The following COL4A2 variants were observed in gnomAD, a reference collection of about 807,000 sequenced individuals.
The protein encoded by COL4A2 is collagen alpha-2(IV) chain.
Under a neutral mutation model 200.2 loss-of-function variants are expected in COL4A2, and 99 were observed. The ratio of observed to expected loss-of-function variants is 0.49; its 90% CI spans 0.42 to 0.58. The LOEUF (loss-of-function observed/expected upper bound fraction) is 0.58, where lower values mean the gene tolerates loss of function less well. Ranked by LOEUF, COL4A2 falls within the 20% of genes least tolerant of loss-of-function variation. The pLI is 0.00. For synonymous variants in COL4A2, 897 were observed against 900.6 expected, an observed-to-expected ratio of 1.00 and a Z score of 0.07; for missense variants, 1,950 against 2,314.1, an observed-to-expected ratio of 0.84 and a Z score of 3.23.
At chr13:110,406,900 T>C (rs1173490206) in intron 4 of COL4A2, among the ~76,000 whole-genome samples, 1 of 152,182 alleles carries the variant, frequency 6.6e-6, no homozygotes, top group Non-Finnish European at 1.5e-5. Flanking sequence ...CCTTGCTGGC[T>C]GAAAGGTAGA....
chr13:110,419,939 G>A (rs1486416495), intron 4 of COL4A2, among the ~76,000 whole-genome samples: 1 of 152,174 alleles, frequency 6.6e-6, no homozygotes, highest in African/African-American at 2.4e-5. Context: ...TGCTTAAGAG[G>A]TTTTTCTTAT....
rs1884836211 is a variant in COL4A2 at position 110,307,898 on chromosome 13, G to T, written c.-6G>T. The stretch of plus-strand genomic sequence containing the variant: ...GACCGGGGCCCAGAGTGGACGAACC[G>T]CCAGCATGGGGAGAGACCAGCGCGC... On this transcript the variant is annotated 5_prime_UTR_variant, in exon 2 of 48. Transcript: ENST00000360467. The surrounding 1 kb of genome is among the most constrained non-coding windows in gnomAD (Gnocchi z 5.0). The T allele has an allele frequency of 6.2e-7, 1 of 1,611,994 alleles. No individual in the cohort carries two copies. The highest frequency in any genetic ancestry group is 1.1e-5 in the South Asian group (1 of 90,824).
At chr13:110,495,315 T>TCAGCTGCTG in intron 39 of COL4A2, 27 bp from the exon 40 acceptor site, 2 of 1,613,908 alleles carry the variant, frequency 1.2e-6, no homozygotes, top group Non-Finnish European at 1.7e-6. Context: ...AACACCGACA[T>TCAGCTGCTG]CAGCTGCTGT....
rs145043571 is a variant in COL4A2 at position 110,381,971 on chromosome 13, A to G, written c.180+24419A>G. Reference sequence around the variant, plus strand: ...TATGCCTTGATTATTACTTATTTCAATGGGACAAATTTGCACTAGAACTAC... The same window carrying G: ...TATGCCTTGATTATTACTTATTTCAGTGGGACAAATTTGCACTAGAACTAC... On this transcript the variant is annotated intron_variant, in intron 4 of 47. Transcript: ENST00000360467. Among the ~76,000 whole-genome samples the G allele has an allele frequency of 4.8e-4, 73 of 152,228 alleles. No homozygotes were observed. In the East Asian group the frequency reaches 0.013, roughly 27 times the overall value.
At chr13:110,459,144 G>T (rs2139494219) in intron 22 of COL4A2, 2 of 476,592 alleles carry the variant, frequency 4.2e-6, no homozygotes, top group East Asian at 7.0e-5. Flanking sequence ...CGCTGCTGTG[G>T]GAACCGCAGC....
At chr13:110,496,845 G>A (rs895460890) in intron 40 of COL4A2, among the ~76,000 whole-genome samples, 3 of 148,574 alleles carry the variant, frequency 2.0e-5, no homozygotes, top group African/African-American at 5.0e-5. Context: ...CACAGCCTCA[G>A]TCAGGGGTGA....
chr13:110,480,928 C>T (rs201238749), intron 31 of COL4A2, among the ~76,000 whole-genome samples: 15,670 of 123,494 alleles, frequency 0.13, 1,414 homozygotes, highest in Non-Finnish European at 0.14. Context: ...TGTTCTGTCC[C>T]TCCGTTGCTG....
chr13:110,349,304 C>A (rs1261106485), intron 3 of COL4A2, among the ~76,000 whole-genome samples: 3 of 152,170 alleles, frequency 2.0e-5, no homozygotes, highest in African/African-American at 7.2e-5. Flanking sequence ...TGGGCGATTC[C>A]TCAGACATCT....
chr13:110,449,736 A>G lies in COL4A2; in HGVS notation c.1136A>G (p.Glu379Gly), dbSNP rs1251131549. The stretch of plus-strand genomic sequence containing the variant: ...CAAGGGGAGCCAGGAAGCCAGGGTG[A>G]GCCAGGAGACCCGGGCCTCCCAGGT... ...GAQGEPGSQG[E>G]PGDPGLPGPP... Residue 379 changes from glutamate to glycine, a missense_variant, in exon 19 of 48, where the codon GAG (glutamate) becomes GGG (glycine). Glu to Gly is a moderately conservative substitution (Grantham distance 98, BLOSUM62 -2). Transcript: ENST00000360467. 2.0e-5 allele frequency: 31 copies of G among 1,549,560 alleles called. No homozygotes were observed. The highest frequency in any genetic ancestry group is 2.6e-5 in the Non-Finnish European group (30 of 1,146,670).
At chr13:110,468,225 G>C in intron 27 of COL4A2, 1 of 471,460 alleles carries the variant, frequency 2.1e-6, no homozygotes, top group Non-Finnish European at 4.4e-6. Flanking sequence ...AAATGCAGAG[G>C]TATCATTTGC....
In COL4A2 at chr13:110,315,123, C is replaced by T. The variant is rs781232387; in HGVS notation, c.99+7000C>T. ...CTGCCCGGCCCCTGCCAGTTCTGCT[C>T]TGCACACCCTGTCTGCACTCCAGGC... is the stretch of plus-strand genomic sequence containing the variant. On this transcript the variant is annotated intron_variant, in intron 3 of 47. Coordinates refer to ENST00000360467, the MANE Select transcript of COL4A2 (RefSeq NM_001846.4). Among the ~76,000 whole-genome samples, 3 of 152,362 alleles carry T rather than the reference C, an allele frequency of 2.0e-5. No individual in the cohort carries two copies. The South Asian group carries it at 6.2e-4, about 32-fold the overall frequency.
At chr13:110,504,730 C>T (rs1286071559) in intron 45 of COL4A2, among the ~76,000 whole-genome samples, 1 of 152,080 alleles carries the variant, frequency 6.6e-6, no homozygotes, top group African/African-American at 2.4e-5. Context: ...CTTAGCCTCC[C>T]AAGTAGTTGG....
intron 4 of COL4A2, among the ~76,000 whole-genome samples, chr13:110,373,627 A>G (rs769932805): frequency 3.3e-5 from 5 of 152,220 alleles, no homozygotes; most frequent in Admixed American, 6.5e-5. Flanking sequence ...GCCTCCAGCT[A>G]CAGCCACTGC....
intron 3 of COL4A2, among the ~76,000 whole-genome samples, chr13:110,352,269 G>A (rs1271495679): frequency 6.6e-6 from 1 of 152,188 alleles, no homozygotes. Context: ...GCATAGCAGA[G>A]CCCTAGGGCG....
chr13:110,503,993 G>A lies in COL4A2; in HGVS notation c.4285G>A (p.Gly1429Ser). The A allele has an allele frequency of 6.4e-7, 1 of 1,558,436 alleles. No homozygotes were observed. The highest frequency in any genetic ancestry group is 8.6e-7 in the Non-Finnish European group (1 of 1,156,940). Reference sequence around the variant, plus strand: ...GCCCCAGGGCCCCCCCGGAGAACCAGGTAGAGTGCTGAGCTGGGGCCTGGA... The same window carrying A: ...GCCCCAGGGCCCCCCCGGAGAACCAAGTAGAGTGCTGAGCTGGGGCCTGGA... ...MGPQGPPGEP[G>S]FRGAPGKAGP... Residue 1429 changes from glycine (G) to serine (S), a missense_variant and splice_region_variant, in exon 44 of 48, where the codon GGT becomes AGT. This residue lies in a region of COL4A2 where 1,385 missense variants were observed against 1,720.5 expected (regional missense o/e 0.80). Transcript: ENST00000360467.
At chr13:110,477,838 C>A in intron 29 of COL4A2, 165 bp from the exon 30 acceptor site, 1 of 588,978 alleles carries the variant, frequency 1.7e-6, no homozygotes, top group Non-Finnish European at 2.6e-6. Flanking sequence ...TGATGGTGTG[C>A]CTTACCTGAT....
chr13:110,350,162 CAA>C (rs1876891031), intron 3 of COL4A2, among the ~76,000 whole-genome samples: 2 of 152,210 alleles, frequency 1.3e-5, no homozygotes, highest in Admixed American at 1.3e-4. Flanking sequence ...ATCCCTCACT[CAA>C]AGATTCCCGT....
intron 3 of COL4A2, among the ~76,000 whole-genome samples, chr13:110,353,955 G>T (rs2139383597): frequency 6.6e-6 from 1 of 152,294 alleles, no homozygotes; most frequent in African/African-American, 2.4e-5. Context: ...ACAAGTCCTA[G>T]TTCCAAAAGT....
At chr13:110,489,913 A>C in intron 36 of COL4A2, 128 bp downstream of exon 36, 1 of 926,506 alleles carries the variant, frequency 1.1e-6, no homozygotes, top group Non-Finnish European at 1.7e-6. Flanking sequence ...TGAGGTCTTC[A>C]AGTCCAATGT....
Sources: gnomAD v4.1 joint callset for allele counts (sites outside exome capture counted in the v4.1 genomes callset) on GRCh38, gnomAD v4.1.1 for gene constraint, gnomAD v4.1.1 regional missense constraint, Gnocchi (gnomAD v3.1) non-coding constraint, MANE v1.5 for transcripts, NCBI Gene and HGNC (gene_info 2026-07-23, HGNC 2026-07-21) for gene names.